Variants in PAH observed in about 807,000 individuals in gnomAD.
The protein encoded by PAH is phenylalanine hydroxylase, also known as phenylalanine-4-hydroxylase.
Under a neutral mutation model 62.0 loss-of-function variants are expected in PAH, and 64 were observed. That is an observed-to-expected ratio of 1.03 (90% CI 0.84 to 1.27). The LOEUF is 1.27. Ranked by LOEUF, PAH falls within the 50% of genes most tolerant of loss-of-function variation. The pLI, the probability that PAH is intolerant of heterozygous loss-of-function variation, is 0.00. For synonymous variants in PAH, 195 were observed against 196.2 expected, an observed-to-expected ratio of 0.99 and a Z score of 0.05; for missense variants, 579 against 542.8, an observed-to-expected ratio of 1.07 and a Z score of -0.66.
At chr12:102,891,165 C>T (rs982007715) in intron 3 of PAH, among the ~76,000 whole-genome samples, 5 of 152,172 alleles carry the variant, frequency 3.3e-5, no homozygotes, top group African/African-American at 1.2e-4. Flanking sequence ...CAGGCGGAAT[C>T]ACACCAACCC....
chr12:102,861,869 A>G (rs949481359), intron 5 of PAH, among the ~76,000 whole-genome samples: 11 of 151,816 alleles, frequency 7.2e-5, no homozygotes, highest in African/African-American at 2.7e-4. Context: ...TAGGAGATAT[A>G]CCTGACAAGT....
In PAH at chr12:102,894,789, G is replaced by C. The variant is rs1877426296; in HGVS notation, c.298C>G (p.His100Asp). The C allele has an allele frequency of 6.2e-7, 1 of 1,613,912 alleles. No individual in the cohort carries two copies. The highest frequency in any genetic ancestry group is 8.5e-7 in the Non-Finnish European group (1 of 1,179,934). Reference sequence around the variant, plus strand: ...TCATGGACAGTGGCACCAATGTCATGCCTCAAGATCTTGATGATGTTTGTC... The same window carrying C: ...TCATGGACAGTGGCACCAATGTCATCCCTCAAGATCTTGATGATGTTTGTC... ...ALTNIIKILRHDIGATVHELS... is the reference protein window; with the variant it reads ...ALTNIIKILRDDIGATVHELS... The change falls in exon 3 of 13, where the codon CAT becomes GAT. Residue 100 changes from histidine (H) to aspartate (D), a missense_variant. Coordinates refer to ENST00000553106, the MANE Select transcript of PAH (RefSeq NM_000277.3).
At chr12:102,852,730 G>A in intron 7 of PAH, 85 bp downstream of exon 7, 1 of 1,535,806 alleles carries the variant, frequency 6.5e-7, no homozygotes, top group East Asian at 2.3e-5. Context: ...GGACCAGCCA[G>A]CAATGAACCC....
At chr12:102,952,611 A>G (rs1181042576), upstream of PAH, among the ~76,000 whole-genome samples, 1 of 152,196 alleles carries the variant, frequency 6.6e-6, no homozygotes, top group Non-Finnish European at 1.5e-5. Flanking sequence ...TTTAGAAAAA[A>G]ATAAAGACTT....
intron 3 of PAH, among the ~76,000 whole-genome samples, chr12:102,879,425 C>T (rs1876724462): frequency 6.6e-6 from 1 of 151,694 alleles, no homozygotes; most frequent in Admixed American, 6.6e-5. Flanking sequence ...CCTCCGTGAT[C>T]TAAACAGGAG....
At chr12:102,934,736 T>C (rs911424523) in intron 1 of PAH, among the ~76,000 whole-genome samples, 1 of 152,152 alleles carries the variant, frequency 6.6e-6, no homozygotes, top group African/African-American at 2.4e-5. Flanking sequence ...TGCTGGCATA[T>C]AGAAATGCTA....
At chr12:102,908,324 C>T (rs1878061951) in intron 2 of PAH, among the ~76,000 whole-genome samples, 1 of 151,722 alleles carries the variant, frequency 6.6e-6, no homozygotes. Flanking sequence ...AGGTTGAAAA[C>T]ATTCTGTTCA....
intron 2 of PAH, among the ~76,000 whole-genome samples, chr12:102,895,991 G>A (rs149273848): frequency 2.9e-4 from 44 of 151,814 alleles, no homozygotes; most frequent in African/African-American, 9.9e-4. Context: ...GGATCCACCA[G>A]TGAACAAAAT....
intron 4 of PAH, among the ~76,000 whole-genome samples, chr12:102,873,180 CCT>C (rs1876426765): frequency 6.6e-6 from 1 of 152,184 alleles, no homozygotes; most frequent in Non-Finnish European, 1.5e-5. Flanking sequence ...CAAGATCTGT[CCT>C]CTCTCCTTTG....
intron 6 of PAH, chr12:102,853,273 G>T: frequency 2.8e-6 from 1 of 359,996 alleles, no homozygotes; most frequent in Non-Finnish European, 5.3e-6. Context: ...AATAAATTTA[G>T]CTTTCATTAC....
intron 5 of PAH, among the ~76,000 whole-genome samples, chr12:102,856,170 G>A (rs895190275): frequency 6.6e-6 from 1 of 151,712 alleles, no homozygotes; most frequent in Non-Finnish European, 1.5e-5. Flanking sequence ...GGTATAAAAT[G>A]CCTCATACCT....
In PAH at chr12:102,842,532, T is replaced by C. The variant is rs139219662; in HGVS notation, c.1199+1114A>G. On this transcript the variant is annotated intron_variant, in intron 11 of 12. Transcript: ENST00000553106. ...CAAACAAATGTTAGCTGGACCTGTC[T>C]TGTCCCACAATCTTACCTTGCAAAT... is the stretch of plus-strand genomic sequence containing the variant. Among the ~76,000 whole-genome samples, 1,499 of 152,306 alleles carry C rather than the reference T, an allele frequency of 9.8e-3. 15 individuals are homozygous for C. Among genetic ancestry groups the C allele is most frequent in the African/African-American group, 0.033 (1,378 of 41,564 alleles).
chr12:102,881,478 A>AC (rs1331034137), intron 3 of PAH, among the ~76,000 whole-genome samples: 1 of 152,156 alleles, frequency 6.6e-6, no homozygotes, highest in African/African-American at 2.4e-5. Flanking sequence ...TGGGACAAGG[A>AC]CACTTGAGAT....
chr12:102,957,601 G>C lies in PAH; in HGVS notation c.-96+594C>G, dbSNP rs1438168301. 2 of 151,474 alleles carry C rather than the reference G, an allele frequency of 1.3e-5. No homozygotes were observed. The highest frequency in any genetic ancestry group is 4.9e-5 in the African/African-American group (2 of 41,142). 9.4% of individuals were successfully genotyped at this position (151,474 alleles called of 1,614,324 possible). On this transcript the variant is annotated intron_variant, in intron 1 of 4. Transcript: ENST00000551337. The surrounding 1 kb of genome is among the most constrained non-coding windows in gnomAD (Gnocchi z 4.1). ...CGCTCGCTGCAGCAGCGGGGAGTGG[G>C]GGGCGAGGCGGGGCCAGGGCTGCGC... is the stretch of plus-strand genomic sequence containing the variant.
chr12:102,854,623 T>C (rs2136648497), intron 6 of PAH: 1 of 203,180 alleles, frequency 4.9e-6, no homozygotes, highest in Non-Finnish European at 1.0e-5. Flanking sequence ...AGCTAAAGAG[T>C]TGATACAGTG....
intron 2 of PAH, among the ~76,000 whole-genome samples, chr12:102,898,845 C>A (rs1877617326): frequency 6.6e-6 from 1 of 152,172 alleles, no homozygotes; most frequent in South Asian, 2.1e-4. Flanking sequence ...TTATTACTAC[C>A]ATTATGTCAA....
chr12:102,912,330 T>C (rs1878231504), intron 2 of PAH, among the ~76,000 whole-genome samples: 1 of 152,172 alleles, frequency 6.6e-6, no homozygotes, highest in South Asian at 2.1e-4. Context: ...GACGGTGTCT[T>C]GCATATTATT....
intron 3 of PAH, among the ~76,000 whole-genome samples, chr12:102,879,608 G>T (rs944354435): frequency 6.1e-4 from 92 of 151,180 alleles, no homozygotes; most frequent in Admixed American, 1.1e-3. Flanking sequence ...TTACCTGTGG[G>T]GGGGGGGTAC....
intron 5 of PAH, 43 bp from the exon 6 acceptor site, chr12:102,855,375 G>T: frequency 6.4e-7 from 1 of 1,564,662 alleles, no homozygotes; most frequent in Non-Finnish European, 8.8e-7. Context: ...CAGGGCAGGG[G>T]CACAGCAGAA....
Sources: gnomAD v4.1 joint callset for allele counts (sites outside exome capture counted in the v4.1 genomes callset) on GRCh38, gnomAD v4.1.1 for gene constraint, Gnocchi (gnomAD v3.1) non-coding constraint, MANE v1.5 for transcripts, NCBI Gene and HGNC (gene_info 2026-07-23, HGNC 2026-07-21) for gene names.